BBS9: variants seen among roughly 807,000 people sequenced by gnomAD.
The protein encoded by BBS9 is protein PTHB1.
BBS9 carries 89 observed loss-of-function variants against 117.7 expected under a neutral mutation model. The observed-to-expected ratio is 0.76, with a 90% CI of 0.64 to 0.90. The LOEUF is 0.90. BBS9 is among the 40% of genes least tolerant of loss of function. The probability of loss-of-function intolerance (pLI) is 0.00; values close to 1 mark genes in which losing one functional copy is unlikely to be tolerated. For missense variants in BBS9, 982 were observed against 1,042.2 expected, an observed-to-expected ratio of 0.94 and a Z score of 0.80; for synonymous variants, 379 against 370.9, an observed-to-expected ratio of 1.02 and a Z score of -0.25.
At chr7:33,359,580 A>G (rs1311125737) in intron 16 of BBS9, among the ~76,000 whole-genome samples, 1 of 152,066 alleles carries the variant, frequency 6.6e-6, no homozygotes, top group African/African-American at 2.4e-5. Flanking sequence ...GTTTTTAAAA[A>G]ATTCCTGGAT....
Position 33,409,745 on chromosome 7 carries a change from G to A in BBS9, c.2115+21601G>A, listed in dbSNP as rs113647547. ...TGGTAGCTCATTGTGGTTTTATTTT[G>A]CATTTTCCTAACGATGTTGAACTTT... On this transcript the variant is annotated intron_variant, in intron 19 of 22. Transcript: ENST00000242067. Among the ~76,000 whole-genome samples the A allele has an allele frequency of 1.9e-3, 286 of 152,146 alleles. 6 individuals are homozygous for A. In the South Asian group the frequency reaches 0.034, roughly 18 times the overall value.
chr7:33,529,796 C>T (rs1296614662), intron 20 of BBS9, among the ~76,000 whole-genome samples: 2 of 152,114 alleles, frequency 1.3e-5, no homozygotes, highest in African/African-American at 4.8e-5. Flanking sequence ...TGCTATATTT[C>T]CCAAATTAAG....
chr7:33,554,763 G>C (rs1006581104), intron 21 of BBS9, among the ~76,000 whole-genome samples: 1 of 152,170 alleles, frequency 6.6e-6, no homozygotes, highest in African/African-American at 2.4e-5. Flanking sequence ...TATGGTATTT[G>C]AAACTGAATG....
At chr7:33,192,887 C>A (rs995453656) in intron 5 of BBS9, among the ~76,000 whole-genome samples, 8 of 152,178 alleles carry the variant, frequency 5.3e-5, no homozygotes, top group Admixed American at 1.3e-4. Context: ...AGGCACTAAT[C>A]CATTCGTGAG....
At chr7:33,285,553 A>T (rs1195453248) in intron 9 of BBS9, among the ~76,000 whole-genome samples, 1 of 152,150 alleles carries the variant, frequency 6.6e-6, no homozygotes, top group Non-Finnish European at 1.5e-5. Flanking sequence ...CGTTACATGC[A>T]TGCATATATT....
intron 17 of BBS9, 152 bp downstream of exon 17, chr7:33,368,014 A>G (rs1822121642): frequency 2.8e-6 from 2 of 709,496 alleles, no homozygotes; most frequent in Admixed American, 2.1e-5. Flanking sequence ...AGGATGTGAA[A>G]GTTATGAAGT....
At chr7:33,325,287 G>A (rs993197727) in intron 9 of BBS9, among the ~76,000 whole-genome samples, 2 of 152,112 alleles carry the variant, frequency 1.3e-5, no homozygotes, top group African/African-American at 4.8e-5. Flanking sequence ...TCTTCATTAT[G>A]TCAGTTGCAT....
intron 19 of BBS9, among the ~76,000 whole-genome samples, chr7:33,391,296 A>G (rs1827032340): frequency 6.6e-6 from 1 of 152,156 alleles, no homozygotes; most frequent in South Asian, 2.1e-4. Context: ...CTAGATTTTT[A>G]AAGTCTTTTC....
chr7:33,330,052 C>T (rs891488116), intron 9 of BBS9, among the ~76,000 whole-genome samples: 3 of 151,306 alleles, frequency 2.0e-5, no homozygotes, highest in Non-Finnish European at 2.9e-5. Flanking sequence ...CTCGCTCTGT[C>T]GCCTGGGCTG....
intron 19 of BBS9, among the ~76,000 whole-genome samples, chr7:33,473,789 A>G (rs1841424554): frequency 6.6e-6 from 1 of 152,134 alleles, no homozygotes; most frequent in Admixed American, 6.6e-5. Context: ...CTTCTATGCT[A>G]TGTTTCCTTG....
intron 9 of BBS9, among the ~76,000 whole-genome samples, chr7:33,329,540 G>A (rs947333645): frequency 2.6e-5 from 4 of 151,618 alleles, no homozygotes; most frequent in African/African-American, 4.8e-5. Context: ...ATTTTTAATG[G>A]TTTCTAGACA....
intron 5 of BBS9, among the ~76,000 whole-genome samples, chr7:33,248,548 T>C (rs530422960): frequency 6.6e-6 from 1 of 152,308 alleles, no homozygotes; most frequent in Non-Finnish European, 1.5e-5. Context: ...TGATATTTAA[T>C]GGCAAATTTA....
At chr7:33,576,234 A>G (rs1224588831) in intron 21 of BBS9, among the ~76,000 whole-genome samples, 1 of 152,212 alleles carries the variant, frequency 6.6e-6, no homozygotes, top group Admixed American at 6.5e-5. Context: ...CAATGTGCAG[A>G]AATCACAAGC....
intron 9 of BBS9, among the ~76,000 whole-genome samples, chr7:33,288,417 C>T (rs1303457304): frequency 6.6e-6 from 1 of 152,094 alleles, no homozygotes; most frequent in Non-Finnish European, 1.5e-5. Flanking sequence ...GTAACAGTTT[C>T]AATCAAGTAG....
At position 33,403,728 on chromosome 7, in the gene BBS9, G is replaced by A. The variant is rs192868724; in HGVS notation, c.2115+15584G>A. Among the ~76,000 whole-genome samples the A allele has an allele frequency of 2.6e-5, 4 of 151,998 alleles. No individual in the cohort carries two copies. The East Asian group carries it at 5.8e-4, about 22-fold the overall frequency. On this transcript the variant is annotated intron_variant, in intron 19 of 22. Transcript: ENST00000242067. ...TCCAGTCTATCATTGTTGGACATTTGGGTTAGTTCCAAGTCTTTGCTATTG... is the reference window on the plus strand; with the variant it reads ...TCCAGTCTATCATTGTTGGACATTTAGGTTAGTTCCAAGTCTTTGCTATTG...
intron 5 of BBS9, among the ~76,000 whole-genome samples, chr7:33,199,843 T>C (rs1443412350): frequency 6.6e-6 from 1 of 151,890 alleles, no homozygotes; most frequent in African/African-American, 2.4e-5. Flanking sequence ...TTGTTATACA[T>C]TTAAAAATAA....
intron 5 of BBS9, among the ~76,000 whole-genome samples, chr7:33,207,895 C>T (rs1787253324): frequency 1.3e-5 from 2 of 151,990 alleles, no homozygotes; most frequent in Admixed American, 6.5e-5. Context: ...GAAACCTCTA[C>T]CTCCTGGGTT....
At chr7:33,559,000 C>T (rs1275877016) in intron 21 of BBS9, among the ~76,000 whole-genome samples, 1 of 152,206 alleles carries the variant, frequency 6.6e-6, no homozygotes, top group African/African-American at 2.4e-5. Context: ...TTGGGCCCAA[C>T]ACATTAATGC....
At chr7:33,439,548 G>T (rs71532576) in intron 19 of BBS9, among the ~76,000 whole-genome samples, 86,287 of 125,224 alleles carry the variant, frequency 0.69, 27,179 homozygotes, top group African/African-American at 0.79. Flanking sequence ...TTTTTTTTTT[G>T]GGATGGAGCC....
Sources: gnomAD v4.1 joint callset for allele counts (sites outside exome capture counted in the v4.1 genomes callset) on GRCh38, gnomAD v4.1.1 for gene constraint, MANE v1.5 for transcripts, NCBI Gene and HGNC (gene_info 2026-07-23, HGNC 2026-07-21) for gene names.